The following TBC1D16 variants were observed in gnomAD, a reference collection of about 807,000 sequenced individuals.
The protein encoded by TBC1D16 is TBC1 domain family member 16.
TBC1D16 carries 58 observed loss-of-function variants against 74.7 expected under a neutral mutation model. The observed-to-expected ratio is 0.78, with a 90% confidence interval of 0.63 to 0.97. The LOEUF (loss-of-function observed/expected upper bound fraction) is 0.97. Among genes scored for constraint, TBC1D16 ranks in the 50% least tolerant of loss-of-function variants. The probability of loss-of-function intolerance (pLI) is 0.00; values close to 1 mark genes in which losing one functional copy is unlikely to be tolerated. For missense variants in TBC1D16, 1,014 were observed against 1,079.5 expected, an observed-to-expected ratio of 0.94 and a Z score of 0.85; for synonymous variants, 493 against 474.7, an observed-to-expected ratio of 1.04 and a Z score of -0.50.
Position 80,013,436 on chromosome 17 carries a change from T to C in TBC1D16, c.112A>G (p.Ile38Val). The C allele has an allele frequency of 2.5e-6, 4 of 1,606,642 alleles. No individual in the cohort carries two copies. Among genetic ancestry groups the C allele is most frequent in the Non-Finnish European group, 3.4e-6 (4 of 1,177,012 alleles). ...ACGCAGACATTGTTCTTGGAGTAGA[T>C]GATCTCTCCATCCAGGACAGAGGGG... ...GSPSVLDGEI[I>V]YSKNNVCVHP... Residue 38 changes from isoleucine to valine, a missense_variant, in exon 2 of 12, where the codon ATC (isoleucine) becomes GTC (valine). Coordinates refer to ENST00000310924, the MANE Select transcript of TBC1D16 (RefSeq NM_019020.4).
chr17:79,946,865 C>T (rs1447724173), intron 9 of TBC1D16, among the ~76,000 whole-genome samples: 5 of 152,230 alleles, frequency 3.3e-5, no homozygotes, highest in African/African-American at 1.2e-4. Flanking sequence ...GTCCTTATCA[C>T]GGGCACCTCC....
chr17:79,943,038 G>A (rs561596768), intron 10 of TBC1D16, among the ~76,000 whole-genome samples: 2 of 152,220 alleles, frequency 1.3e-5, no homozygotes, highest in Admixed American at 6.5e-5. Flanking sequence ...AAGGACGGGG[G>A]CACTGGGAAG....
rs932644298 is a variant in TBC1D16 at position 79,987,566 on chromosome 17, G to A, written c.779+22594C>T. Among the ~76,000 whole-genome samples, 3 of 152,072 alleles carry A rather than the reference G, an allele frequency of 2.0e-5. No individual in the cohort carries two copies. The highest frequency in any genetic ancestry group is 7.2e-5 in the African/African-American group (3 of 41,398). On this transcript the variant is annotated intron_variant, in intron 3 of 11. Coordinates refer to ENST00000310924, the MANE Select transcript of TBC1D16 (RefSeq NM_019020.4). The surrounding 1 kb of genome is among the most constrained non-coding windows in gnomAD (Gnocchi z 5.2). ...CTGACCTATTTTTAAACCAGAATAA[G>A]CAGGTACAGAAGTTTGCCTGGTGAC...
Position 79,952,336 on chromosome 17 carries a change from G to A in TBC1D16, c.941+321C>T, listed in dbSNP as rs527672936. On this transcript the variant is annotated intron_variant, in intron 4 of 11. Transcript: ENST00000310924. ...GCCGAGCTCCAGAGCATCCCCCGGC[G>A]ATCAGAGCCGCCGGCAGCTGCTACC... 83 of 256,774 alleles carry A rather than the reference G, an allele frequency of 3.2e-4. 2 individuals carry two copies. Among genetic ancestry groups the A allele is most frequent in the South Asian group, 1.4e-4 (1 of 7,266 alleles). The allele number at this position is 256,774 out of a possible 1,614,324, so 15.9% of individuals were successfully genotyped here. A position where few individuals can be genotyped will look rare whatever the true frequency, so the allele number is the denominator to read the frequency against.
rs1436043230 is a variant in TBC1D16, at chr17:79,994,899, CGTGTATACT to C, written c.779+15252_779+15260del. Among the ~76,000 whole-genome samples the C allele has an allele frequency of 1.3e-5, 2 of 152,176 alleles. No homozygotes were observed. The highest frequency in any genetic ancestry group is 2.9e-5 in the Non-Finnish European group (2 of 68,034). On this transcript the variant is annotated intron_variant, in intron 3 of 11. Transcript: ENST00000310924. This position sits in a 1 kb window ranked among gnomAD's most constrained non-coding sequence, Gnocchi z 4.6. Reference sequence around the variant, plus strand: ...ATGTAAAACACTTCCCATCGGCGGCCGTGTATACTGATCCCACATTGGAATGATACTATT... The same window carrying C: ...ATGTAAAACACTTCCCATCGGCGGCCGATCCCACATTGGAATGATACTATT...
intron 9 of TBC1D16, among the ~76,000 whole-genome samples, chr17:79,945,904 C>A (rs868582963): frequency 6.6e-5 from 10 of 152,382 alleles, no homozygotes; most frequent in Middle Eastern, 3.4e-3. Flanking sequence ...ATGCCCCCTT[C>A]CCACACAGGT....
At chr17:79,992,989 G>GTACA (rs1292968619) in intron 3 of TBC1D16, 3 of 152,470 alleles carry the variant, frequency 2.0e-5, no homozygotes, top group Admixed American at 6.5e-5. Context: ...GGGTGAGACG[G>GTACA]TACAGTACCA....
Position 79,971,845 on chromosome 17 carries a change from G to A in TBC1D16, c.780-19027C>T, listed in dbSNP as rs763031136. ...CGGGGTAGGGATGGGGGCTCTGGAA[G>A]GCTTCCTCTCGGAGCAGGTGGCATG... On this transcript the variant is annotated intron_variant, in intron 3 of 11. Coordinates refer to ENST00000310924, the MANE Select transcript of TBC1D16 (RefSeq NM_019020.4). This position sits in a 1 kb window ranked among gnomAD's most constrained non-coding sequence, Gnocchi z 4.6. 1.5e-4 allele frequency among the ~76,000 whole-genome samples: 23 copies of A among 152,116 alleles called. No individual in the cohort carries two copies. The highest frequency in any genetic ancestry group is 2.4e-4 in the African/African-American group (10 of 41,418).
At chr17:80,017,087 CT>C (rs956260618) in intron 1 of TBC1D16, among the ~76,000 whole-genome samples, 7 of 152,126 alleles carry the variant, frequency 4.6e-5, no homozygotes, top group African/African-American at 1.7e-4. Context: ...TAGCCCACCC[CT>C]TTTTAGGCTC....
chr17:79,950,783 C>T lies in TBC1D16; in HGVS notation c.1090-205G>A. 1 of 1,536,204 alleles carries T rather than the reference C, an allele frequency of 6.5e-7. No individual in the cohort carries two copies. Among genetic ancestry groups the T allele is most frequent in the Non-Finnish European group, 8.7e-7 (1 of 1,146,894 alleles). ...TCATCTTAAAATCGGTTTCCCTCTG[C>T]GGCTCTCTCCTCCCCGGCCCACTGT... On this transcript the variant is annotated intron_variant, in intron 5 of 11. Coordinates refer to ENST00000310924, the MANE Select transcript of TBC1D16 (RefSeq NM_019020.4). The surrounding 1 kb of genome is among the most constrained non-coding windows in gnomAD (Gnocchi z 4.6).
chr17:79,964,172 C>T (rs868357409), intron 3 of TBC1D16, among the ~76,000 whole-genome samples: 7 of 152,210 alleles, frequency 4.6e-5, no homozygotes, highest in African/African-American at 1.4e-4. Context: ...GACGGGGTTT[C>T]ACCATGTTGG....
chr17:80,006,506 G>T (rs2035684297), intron 3 of TBC1D16, among the ~76,000 whole-genome samples: 4 of 152,156 alleles, frequency 2.6e-5, no homozygotes, highest in African/African-American at 7.2e-5. Flanking sequence ...GGCCCCGGGG[G>T]ATGGGGATGG....
At chr17:79,952,985 G>A (rs1005885953) in intron 3 of TBC1D16, 167 bp from the exon 4 acceptor site, 27 of 685,612 alleles carry the variant, frequency 3.9e-5, no homozygotes, top group Non-Finnish European at 5.2e-5. Flanking sequence ...ATGAATGTAT[G>A]AACCCCACTG....
In TBC1D16 at chr17:79,944,029, G is replaced by C; in HGVS notation, c.1908+879C>G. The C allele has an allele frequency of 6.5e-7, 1 of 1,535,688 alleles. No individual in the cohort carries two copies. Among genetic ancestry groups the C allele is most frequent in the Non-Finnish European group, 8.7e-7 (1 of 1,146,650 alleles). On this transcript the variant is annotated intron_variant, in intron 10 of 11. Coordinates refer to ENST00000310924, the MANE Select transcript of TBC1D16 (RefSeq NM_019020.4). The surrounding 1 kb of genome is among the most constrained non-coding windows in gnomAD (Gnocchi z 7.7). ...AAACCTAGACCCGGGCCAGGGGCGAGCCGATGACCGCATGCAAAGGCGGCG... is the reference window on the plus strand; with the variant it reads ...AAACCTAGACCCGGGCCAGGGGCGACCCGATGACCGCATGCAAAGGCGGCG...
At chr17:79,958,073 GA>G (rs1294905787) in intron 3 of TBC1D16, among the ~76,000 whole-genome samples, 1 of 151,900 alleles carries the variant, frequency 6.6e-6, no homozygotes, top group Non-Finnish European at 1.5e-5. Context: ...GAAATAAATG[GA>G]AATAGAAACG....
Position 79,944,216 on chromosome 17 carries a change from T to A in TBC1D16, c.1908+692A>T. ...ACGGAGGCTGCTGGAGCTGCCGTGG[T>A]GGATAGAGCCAGCTCCTGCAAAAGG... On this transcript the variant is annotated intron_variant, in intron 10 of 11. Transcript: ENST00000310924. This position sits in a 1 kb window ranked among gnomAD's most constrained non-coding sequence, Gnocchi z 7.7. 1 of 1,426,020 alleles carries A rather than the reference T, an allele frequency of 7.0e-7. No homozygotes were observed. The highest frequency in any genetic ancestry group is 9.5e-7 in the Non-Finnish European group (1 of 1,048,842). 88.3% of individuals were successfully genotyped at this position (1,426,020 alleles called of 1,614,324 possible). A position where few individuals can be genotyped will look rare whatever the true frequency, so the allele number is the denominator to read the frequency against.
rs755651950 is a variant in TBC1D16 at position 80,010,592 on chromosome 17, G to A, written c.347C>T (p.Thr116Ile). The A allele has an allele frequency of 1.9e-4, 296 of 1,591,416 alleles. No homozygotes were observed. Among genetic ancestry groups the A allele is most frequent in the Non-Finnish European group, 2.4e-4 (277 of 1,171,320 alleles). ...CTGGTGGGAGGCTCCTGAGCTCCGG[G>A]TGCGCCGGCCCCGAGGGCGGGGTGC... ...RKAPRPRGRR[T>I]RSSGASHQPS... Residue 116 changes from threonine (T) to isoleucine (I), a missense_variant, in exon 3 of 12, where the codon ACC becomes ATC. Physicochemically the swap from Thr to Ile is moderately conservative, Grantham distance 89 (BLOSUM62 -1). Transcript: ENST00000310924. The surrounding 1 kb of genome is among the most constrained non-coding windows in gnomAD (Gnocchi z 8.8).
rs1405697631 is a variant in TBC1D16 at position 79,981,359 on chromosome 17, C to T, written c.780-28541G>A. ...AGCGGCGGGTATGTTCTTAGACCCT[C>T]CATCTGCCCGGGCCCTGCTGGGAGA... On this transcript the variant is annotated intron_variant, in intron 3 of 11. Transcript: ENST00000310924. The surrounding 1 kb of genome is among the most constrained non-coding windows in gnomAD (Gnocchi z 6.9). Among the ~76,000 whole-genome samples, 2 of 152,182 alleles carry T rather than the reference C, an allele frequency of 1.3e-5. No homozygotes were observed. The highest frequency in any genetic ancestry group is 2.4e-5 in the African/African-American group (1 of 41,430).
At position 79,961,382 on chromosome 17, in the gene TBC1D16, T is replaced by TC. The variant is rs1412230156; in HGVS notation, c.780-8565dup. The stretch of plus-strand genomic sequence containing the variant: ...TGAGGACATGGAGGAACTGGAACTC[T>TC]CACGGACTGCTGGTGGGAATGCAAC... On this transcript the variant is annotated intron_variant, in intron 3 of 11. Transcript: ENST00000310924. The surrounding 1 kb of genome is among the most constrained non-coding windows in gnomAD (Gnocchi z 4.8). Among the ~76,000 whole-genome samples, 1 of 152,220 alleles carries TC rather than the reference T, an allele frequency of 6.6e-6. No homozygotes were observed. Among genetic ancestry groups the TC allele is most frequent in the African/African-American group, 2.4e-5 (1 of 41,460 alleles).
Sources: gnomAD v4.1 joint callset for allele counts (sites outside exome capture counted in the v4.1 genomes callset) on GRCh38, gnomAD v4.1.1 for gene constraint, Gnocchi (gnomAD v3.1) non-coding constraint, MANE v1.5 for transcripts, NCBI Gene and HGNC (gene_info 2026-07-23, HGNC 2026-07-21) for gene names.